CCDC80: variants seen among roughly 807,000 people sequenced by gnomAD.
CCDC80 encodes the protein coiled-coil domain-containing protein 80.
In CCDC80, 49 loss-of-function variants were observed where a neutral mutation model predicts 78.7. That is an observed-to-expected ratio of 0.62 (90% CI 0.50 to 0.79). CCDC80 has a LOEUF of 0.79. Ranked by LOEUF, CCDC80 falls within the 30% of genes least tolerant of loss-of-function variation. The pLI is 0.00. For missense variants in CCDC80, 1,205 were observed against 1,198.6 expected (o/e 1.01, Z -0.08); for synonymous variants, 488 against 447.0 (o/e 1.09, Z -1.16).
At chr3:112,636,365 C>T (rs1936208277) in intron 2 of CCDC80, among the ~76,000 whole-genome samples, 1 of 152,084 alleles carries the variant, frequency 6.6e-6, no homozygotes, top group Admixed American at 6.5e-5. Context: ...TTTATATAGA[C>T]ACATTAAGGC....
chr3:112,623,351 T>C (rs1935905456), intron 3 of CCDC80, among the ~76,000 whole-genome samples: 1 of 152,352 alleles, frequency 6.6e-6, no homozygotes, highest in South Asian at 2.1e-4. Context: ...AAAGCTTCCA[T>C]CTGTAACTGC....
At chr3:112,607,978 G>A (rs886833876) in intron 6 of CCDC80, among the ~76,000 whole-genome samples, 3 of 152,218 alleles carry the variant, frequency 2.0e-5, no homozygotes, top group Non-Finnish European at 2.9e-5. Context: ...GTGGCTTAAA[G>A]GATATGTTTT....
intron 2 of CCDC80, among the ~76,000 whole-genome samples, chr3:112,637,015 A>G (rs139486159): frequency 4.0e-4 from 61 of 152,270 alleles, no homozygotes; most frequent in African/African-American, 1.4e-3. Flanking sequence ...TTTGCACATC[A>G]CTGATAAAAA....
In CCDC80 at chr3:112,639,126, G is replaced by T; in HGVS notation, c.780C>A (p.Val260=). ...TCCTACGGATGGGGCCTTGGTCGAT[G>T]ACCTCGTACATGGCTTCCAGCCTAA... ...YPVRLEAMYE[V]IDQGPIRRIE... Residue 260 remains valine (V), a synonymous_variant, in exon 2 of 8, where the codon GTC becomes GTA. Transcript: ENST00000206423. 1 of 1,614,146 alleles carries T rather than the reference G, an allele frequency of 6.2e-7. No homozygotes were observed. The highest frequency in any genetic ancestry group is 1.3e-5 in the African/African-American group (1 of 75,026).
chr3:112,624,187 C>T lies in CCDC80; in HGVS notation c.2036-5083G>A, dbSNP rs141888656. ...ACACTTTCCTTTGATCTTGTGAACC[C>T]GCAACACAGTCTAATGTAATTTGAG... On this transcript the variant is annotated intron_variant, in intron 3 of 7. Transcript: ENST00000206423. 3.9e-4 allele frequency among the ~76,000 whole-genome samples: 59 copies of T among 152,212 alleles called. No homozygotes were observed. In the East Asian group the frequency reaches 0.011, roughly 28 times the overall value.
At chr3:112,633,938 C>A (rs1419945760) in intron 2 of CCDC80, among the ~76,000 whole-genome samples, 1 of 152,142 alleles carries the variant, frequency 6.6e-6, no homozygotes, top group Non-Finnish European at 1.5e-5. Flanking sequence ...TAAATCAGGG[C>A]ATGTATCATG....
chr3:112,610,322 G>A (rs1232420724), intron 5 of CCDC80: 9 of 505,252 alleles, frequency 1.8e-5, no homozygotes, highest in Non-Finnish European at 2.9e-5. Context: ...TGTCAAGCAT[G>A]AGTCTGTGGT....
intron 3 of CCDC80, among the ~76,000 whole-genome samples, chr3:112,621,921 C>G (rs918444428): frequency 2.6e-5 from 4 of 152,170 alleles, no homozygotes; most frequent in African/African-American, 9.7e-5. Context: ...AGTCTTGTAT[C>G]TCTCACCCCT....
Position 112,616,710 on chromosome 3 carries a change from C to T in CCDC80, c.2321G>A (p.Arg774Lys), listed in dbSNP as rs1033479983. The stretch of plus-strand genomic sequence containing the variant: ...TTTAGCGACTCCAAAGGTGATGTAC[C>T]TGGATAGGAAGTTCTCCAGGGACTG... ...KKQSLENFLS[R>K]FRWRRRLLVI... The change falls in exon 5 of 8, where the codon AGG (arginine) becomes AAG (lysine). Residue 774 changes from arginine to lysine, a missense_variant and splice_region_variant. Physicochemically the swap from Arg to Lys is conservative, Grantham distance 26 (BLOSUM62 2). Coordinates refer to ENST00000206423, the MANE Select transcript of CCDC80 (RefSeq NM_199511.3). 6.2e-7 allele frequency: 1 copy of T among 1,614,034 alleles called. No homozygotes were observed. Among genetic ancestry groups the T allele is most frequent in the Non-Finnish European group, 8.5e-7 (1 of 1,179,938 alleles).
chr3:112,609,852 G>T, intron 6 of CCDC80, 126 bp downstream of exon 6: 1 of 677,812 alleles, frequency 1.5e-6, no homozygotes, highest in Non-Finnish European at 2.5e-6. Flanking sequence ...TAGAGTATGT[G>T]TCTGGAAACC....
At chr3:112,606,283 T>A (rs944971207) in intron 7 of CCDC80, among the ~76,000 whole-genome samples, 1 of 152,272 alleles carries the variant, frequency 6.6e-6, no homozygotes, top group Non-Finnish European at 1.5e-5. Context: ...GAGCTGACAC[T>A]TTCAAGTCTG....
Position 112,597,920 on chromosome 3 carries a change from T to G in CCDC80, c.*7497A>C, listed in dbSNP as rs570177835. Reference sequence around the variant, plus strand: ...GCCTCTGTACAGAGAAATGTCAGTTTTGTATTCCTGGTTCCTGGAAAAGTA... The same window carrying G: ...GCCTCTGTACAGAGAAATGTCAGTTGTGTATTCCTGGTTCCTGGAAAAGTA... On this transcript the variant is annotated 3_prime_UTR_variant, in exon 8 of 8. Transcript: ENST00000206423. 6.6e-6 allele frequency: 1 copy of G among 152,352 alleles called. No individual in the cohort carries two copies. Among genetic ancestry groups the G allele is most frequent in the African/African-American group, 2.4e-5 (1 of 41,580 alleles). The allele number at this position is 152,352 out of a possible 1,614,324, so 9.4% of individuals were successfully genotyped here.
chr3:112,621,791 C>A (rs1428425930), intron 3 of CCDC80, among the ~76,000 whole-genome samples: 1 of 152,148 alleles, frequency 6.6e-6, no homozygotes, highest in Non-Finnish European at 1.5e-5. Flanking sequence ...TACCATAGGA[C>A]AGCTCACATT....
In CCDC80 at chr3:112,605,144, A is replaced by G. The variant is rs1202005197; in HGVS notation, c.*273T>C. 1.4e-5 allele frequency: 4 copies of G among 294,694 alleles called. No individual in the cohort carries two copies. Among genetic ancestry groups the G allele is most frequent in the East Asian group, 5.9e-5 (1 of 17,054 alleles). 18.3% of individuals were successfully genotyped at this position (294,694 alleles called of 1,614,324 possible). The stretch of plus-strand genomic sequence containing the variant: ...TTATATGCCAAATAAGGTCCTTCAT[A>G]TAAGAAAAGGAAAATAATATCAATT... On this transcript the variant is annotated 3_prime_UTR_variant, in exon 8 of 8. Transcript: ENST00000206423.
intron 2 of CCDC80, among the ~76,000 whole-genome samples, chr3:112,635,335 A>C (rs1394116222): frequency 6.6e-6 from 1 of 152,238 alleles, no homozygotes; most frequent in Non-Finnish European, 1.5e-5. Flanking sequence ...GTCTGAGTAT[A>C]CTGGGTTAAG....
chr3:112,618,650 A>G (rs550175844), intron 4 of CCDC80, among the ~76,000 whole-genome samples: 2 of 152,296 alleles, frequency 1.3e-5, no homozygotes, highest in South Asian at 4.1e-4. Flanking sequence ...ACCACTCTTC[A>G]CCTTTTATCT....
At chr3:112,634,088 C>T (rs1936158451) in intron 2 of CCDC80, among the ~76,000 whole-genome samples, 1 of 152,160 alleles carries the variant, frequency 6.6e-6, no homozygotes, top group South Asian at 2.1e-4. Flanking sequence ...AGAGGGAAGA[C>T]ACTTTAAGTC....
chr3:112,611,951 A>G (rs11711357), intron 5 of CCDC80, among the ~76,000 whole-genome samples: 1 of 151,776 alleles, frequency 6.6e-6, no homozygotes, highest in Non-Finnish European at 1.5e-5. Context: ...AGAGAAAATG[A>G]TAGTTTGATG....
intron 5 of CCDC80, chr3:112,610,402 A>G: frequency 2.8e-6 from 1 of 358,048 alleles, no homozygotes; most frequent in South Asian, 2.6e-5. Flanking sequence ...CCAAAATTGT[A>G]CATTAAACTG....
Sources: allele counts gnomAD v4.1 joint callset (sites outside exome capture counted in the v4.1 genomes callset), GRCh38; gene constraint gnomAD v4.1.1; transcripts MANE v1.5; gene names NCBI Gene and HGNC (gene_info 2026-07-23, HGNC 2026-07-21).